Variants in ZFYVE1 observed in about 807,000 individuals in gnomAD.
The protein encoded by ZFYVE1 is zinc finger FYVE domain-containing protein 1.
A neutral mutation model predicts 74.4 loss-of-function variants in ZFYVE1; 30 were observed. That is an observed-to-expected ratio of 0.40 (90% CI 0.30 to 0.55). The LOEUF is 0.55. ZFYVE1 is among the 20% of genes least tolerant of loss of function. The pLI, the probability that ZFYVE1 is intolerant of heterozygous loss-of-function variation, is 0.42. For missense variants in ZFYVE1, 703 were observed against 1,011.6 expected (o/e 0.69, Z 4.14); for synonymous variants, 335 against 385.1 (o/e 0.87, Z 1.52).
chr14:72,987,083 G>T, intron 4 of ZFYVE1: 1 of 428,448 alleles, frequency 2.3e-6, no homozygotes, highest in Non-Finnish European at 3.1e-6. Flanking sequence ...TCTTTCTATT[G>T]TATCTATAGG....
intron 8 of ZFYVE1, among the ~76,000 whole-genome samples, 166 bp downstream of exon 8, chr14:72,977,761 T>C (rs1254141725): frequency 6.6e-6 from 1 of 152,106 alleles, no homozygotes; most frequent in Non-Finnish European, 1.5e-5. Flanking sequence ...ATAAAAACAA[T>C]TTTGGTCTAG....
chr14:73,014,260 T>C (rs546464936), intron 2 of ZFYVE1, among the ~76,000 whole-genome samples: 1 of 152,340 alleles, frequency 6.6e-6, no homozygotes, highest in East Asian at 1.9e-4. Flanking sequence ...GCCAGGAGTC[T>C]GTTGTAACTG....
At chr14:73,015,319 AAGG>A (rs1173008389) in intron 2 of ZFYVE1, among the ~76,000 whole-genome samples, 1 of 77,950 alleles carries the variant, frequency 1.3e-5, no homozygotes, top group Non-Finnish European at 2.5e-5. Context: ...GGAGGGAGGG[AAGG>A]GGGAAGGAAA....
rs1893155935 is a variant in ZFYVE1 at position 72,975,847 on chromosome 14, AG to A, written c.1636-127del. 9.3e-7 allele frequency: 1 copy of A among 1,078,730 alleles called. No individual in the cohort carries two copies. The highest frequency in any genetic ancestry group is 1.6e-5 in the African/African-American group (1 of 63,380). The allele number at this position is 1,078,730 out of a possible 1,614,324, so 66.8% of individuals were successfully genotyped here. A position where few individuals can be genotyped will look rare whatever the true frequency, so the allele number is the denominator to read the frequency against. On this transcript the variant is annotated intron_variant, in intron 8 of 11. Transcript: ENST00000556143. The surrounding 1 kb of genome is among the most constrained non-coding windows in gnomAD (Gnocchi z 4.1). ...AGAACCACTAACTCCCTGGCAGGGA[AG>A]AACGGAGACACACCAGGAATCCCTC...
At chr14:72,977,081 TG>T (rs1893191377) in intron 8 of ZFYVE1, among the ~76,000 whole-genome samples, 1 of 152,200 alleles carries the variant, frequency 6.6e-6, no homozygotes. Flanking sequence ...CAAACAGATT[TG>T]TATTTCTGAC....
chr14:72,999,107 C>T (rs976493084), intron 2 of ZFYVE1, among the ~76,000 whole-genome samples: 1 of 151,990 alleles, frequency 6.6e-6, no homozygotes, highest in African/African-American at 2.4e-5. Context: ...AGTCTGGCAA[C>T]GTAACAAGAC....
chr14:73,019,913 G>A (rs61986550), intron 2 of ZFYVE1, among the ~76,000 whole-genome samples: 1 of 151,242 alleles, frequency 6.6e-6, no homozygotes, highest in Admixed American at 6.6e-5. Context: ...ATCACACCAC[G>A]GCACTCCAGC....
intron 2 of ZFYVE1, among the ~76,000 whole-genome samples, chr14:73,020,384 G>A (rs966109238): frequency 2.6e-5 from 4 of 151,762 alleles, no homozygotes; most frequent in Admixed American, 2.0e-4. Context: ...ACAGAGTCTC[G>A]CACTGTCACC....
At chr14:73,025,920 A>G (rs891714709) in intron 1 of ZFYVE1, among the ~76,000 whole-genome samples, 4 of 152,054 alleles carry the variant, frequency 2.6e-5, no homozygotes, top group Admixed American at 6.6e-5. Context: ...AATTGGGAGG[A>G]GTGGAGAGGC....
intron 4 of ZFYVE1, 46 bp from the exon 5 acceptor site, chr14:72,981,941 T>G (rs532832880): frequency 6.6e-7 from 1 of 1,505,372 alleles, no homozygotes; most frequent in South Asian, 1.1e-5. Flanking sequence ...AGTAGAGAGC[T>G]CCGCACTTTG....
chr14:72,992,626 C>CACCG lies in ZFYVE1; in HGVS notation c.1203+516_1203+517insCGGT, dbSNP rs1456378680. ...GGTCCCATTCAGGTGCCCCCCCCGCCCCTTGCAAGAGAGAGAGAGCTGTTC... is the reference window on the plus strand; with the variant it reads ...GGTCCCATTCAGGTGCCCCCCCCGCCACCGCCTTGCAAGAGAGAGAGAGCTGTTC... On this transcript the variant is annotated intron_variant, in intron 4 of 11. Coordinates refer to ENST00000556143, the MANE Select transcript of ZFYVE1 (RefSeq NM_021260.4). Among the ~76,000 whole-genome samples the CACCG allele has an allele frequency of 2.8e-4, 31 of 108,990 alleles. 2 individuals are homozygous for CACCG. The South Asian group carries it at 0.01, about 36-fold the overall frequency. 71.5% of individuals were successfully genotyped at this position (108,990 alleles called of 152,430 possible).
chr14:72,990,317 C>G (rs1489545061), intron 4 of ZFYVE1, among the ~76,000 whole-genome samples: 1 of 151,846 alleles, frequency 6.6e-6, no homozygotes, highest in Admixed American at 6.6e-5. Flanking sequence ...CCCTATACCT[C>G]AGAGAATAGA....
intron 2 of ZFYVE1, among the ~76,000 whole-genome samples, chr14:73,023,328 TA>T (rs1894375413): frequency 9.8e-6 from 1 of 101,554 alleles, no homozygotes; most frequent in African/African-American, 3.7e-5. Flanking sequence ...ATATAATATA[TA>T]TTATATATGT....
intron 3 of ZFYVE1, among the ~76,000 whole-genome samples, chr14:72,996,737 C>T (rs1460111025): frequency 6.6e-6 from 1 of 152,204 alleles, no homozygotes; most frequent in African/African-American, 2.4e-5. Flanking sequence ...AGCACCGTAC[C>T]TGTAAGTACG....
intron 4 of ZFYVE1, among the ~76,000 whole-genome samples, chr14:72,992,326 T>G (rs1212097274): frequency 6.6e-6 from 1 of 152,132 alleles, no homozygotes; most frequent in East Asian, 1.9e-4. Flanking sequence ...AGTACAGGCT[T>G]TGTGGTTATG....
Position 73,024,477 on chromosome 14 carries a change from C to T in ZFYVE1, c.32G>A (p.Gly11Asp). 2 of 1,610,750 alleles carry T rather than the reference C, an allele frequency of 1.2e-6. No homozygotes were observed. The highest frequency in any genetic ancestry group is 1.7e-6 in the Non-Finnish European group (2 of 1,178,026). Residue 11 changes from glycine (G) to aspartate (D), a missense_variant, in exon 2 of 12, where the codon GGC (glycine) becomes GAC (aspartate). Coordinates refer to ENST00000556143, the MANE Select transcript of ZFYVE1 (RefSeq NM_021260.4). ...CTGGCACATCAGCCCCGGATTCAGG[C>T]CCTTCTCTGCTGGGGAAGTCTGGGC... is the stretch of plus-strand genomic sequence containing the variant. MSAQTSPAEK[G>D]LNPGLMCQES...
chr14:73,023,906 G>A, intron 2 of ZFYVE1, 120 bp downstream of exon 2: 1 of 1,395,736 alleles, frequency 7.2e-7, no homozygotes, highest in Non-Finnish European at 9.7e-7. Context: ...AAAGCCTCCA[G>A]AGGTCTTGCC....
chr14:72,978,942 A>G lies in ZFYVE1; in HGVS notation c.1338T>C (p.His446=). The change falls in exon 6 of 12, where the codon CAT becomes CAC. Residue 446 remains histidine (H), a synonymous_variant. Coordinates refer to ENST00000556143, the MANE Select transcript of ZFYVE1 (RefSeq NM_021260.4). ...CTTCATGAGGCACTCCTTCCTTCCC[A>G]TGATTCATGCTTTTCTTACATCCAA... ...CGVGCKKSMN[H]GKEGVPHEAK... is the part of the protein sequence containing the mutation. 1 of 1,613,972 alleles carries G rather than the reference A, an allele frequency of 6.2e-7. No individual in the cohort carries two copies. Among genetic ancestry groups the G allele is most frequent in the South Asian group, 1.1e-5 (1 of 91,076 alleles).
chr14:73,002,943 C>A (rs1334979751), intron 2 of ZFYVE1, among the ~76,000 whole-genome samples: 2 of 151,182 alleles, frequency 1.3e-5, no homozygotes, highest in South Asian at 2.1e-4. Context: ...GGGGTTTCAG[C>A]GTGTTAGCCA....
Sources: allele counts gnomAD v4.1 joint callset (sites outside exome capture counted in the v4.1 genomes callset), GRCh38; gene constraint gnomAD v4.1.1; non-coding constraint Gnocchi (gnomAD v3.1); transcripts MANE v1.5; gene names NCBI Gene and HGNC (gene_info 2026-07-23, HGNC 2026-07-21).